The following WNT2B variants were observed in gnomAD, a reference collection of about 807,000 sequenced individuals.
WNT2B encodes protein Wnt-2b.
Under a neutral mutation model 40.5 loss-of-function variants are expected in WNT2B, and 19 were observed. The observed-to-expected ratio is 0.47, with a 90% CI of 0.33 to 0.69. The LOEUF (loss-of-function observed/expected upper bound fraction) is 0.69, where lower values mean the gene tolerates loss of function less well. Among genes scored for constraint, WNT2B ranks in the 30% least tolerant of loss-of-function variants. The pLI, the probability that WNT2B is intolerant of heterozygous loss-of-function variation, is 0.02. For missense variants in WNT2B, 467 were observed against 556.4 expected, an observed-to-expected ratio of 0.84 and a Z score of 1.62; for synonymous variants, 220 against 211.9, an observed-to-expected ratio of 1.04 and a Z score of -0.33.
At chr1:112,479,442 C>A (rs1651154023) in intron 1 of WNT2B, among the ~76,000 whole-genome samples, 1 of 148,186 alleles carries the variant, frequency 6.7e-6, no homozygotes, top group Non-Finnish European at 1.5e-5. Context: ...GTTGTGGTGG[C>A]AGGCACCTGT....
At chr1:112,470,308 G>A (rs939464957) in intron 1 of WNT2B, among the ~76,000 whole-genome samples, 1 of 152,180 alleles carries the variant, frequency 6.6e-6, no homozygotes, top group African/African-American at 2.4e-5. Flanking sequence ...GCCACTCTCA[G>A]CGGGGTGCGA....
At chr1:112,469,738 C>T (rs570894369) in intron 1 of WNT2B, among the ~76,000 whole-genome samples, 2 of 152,080 alleles carry the variant, frequency 1.3e-5, no homozygotes, top group African/African-American at 2.4e-5. Context: ...CTCAGCTTCC[C>T]GAGTAGCTGG....
intron 1 of WNT2B, among the ~76,000 whole-genome samples, chr1:112,469,312 T>C (rs1650800001): frequency 6.6e-6 from 1 of 152,238 alleles, no homozygotes; most frequent in African/African-American, 2.4e-5. Context: ...ACATTGGCTA[T>C]TCTGGCTCTT....
In WNT2B at chr1:112,509,392, C is replaced by T; in HGVS notation, c.130C>T (p.Leu44Phe). ...TTCGGCCCGCCTAGGTCTTGCCTGC[C>T]TTCTGCTCCTGCTGCTGCTGACGCT... is the stretch of plus-strand genomic sequence containing the variant. ...RASARLGLACLLLLLLLTLPA... is the reference protein window; with the variant it reads ...RASARLGLACFLLLLLLTLPA... Residue 44 changes from leucine to phenylalanine, a missense_variant, in exon 1 of 5, where the codon CTT becomes TTT. By Grantham distance (22) the Leu-to-Phe change is conservative. Coordinates refer to ENST00000369684, the MANE Select transcript of WNT2B (RefSeq NM_024494.3). The surrounding 1 kb of genome is among the most constrained non-coding windows in gnomAD (Gnocchi z 4.2). The T allele has an allele frequency of 1.3e-6, 2 of 1,596,622 alleles. No homozygotes were observed. The highest frequency in any genetic ancestry group is 1.7e-6 in the Non-Finnish European group (2 of 1,177,256).
At chr1:112,474,294 A>G (rs1372363556) in intron 1 of WNT2B, among the ~76,000 whole-genome samples, 1 of 146,954 alleles carries the variant, frequency 6.8e-6, no homozygotes, top group Admixed American at 6.9e-5. Context: ...TACAGGTGTG[A>G]GCCACCACAT....
chr1:112,500,943 T>G (rs1483721047), intron 1 of WNT2B, among the ~76,000 whole-genome samples: 2 of 152,198 alleles, frequency 1.3e-5, no homozygotes, highest in Non-Finnish European at 2.9e-5. Context: ...AATATATTAT[T>G]ATTAATTAAA....
At chr1:112,520,161 C>A (rs1488501264) in intron 4 of WNT2B, 119 bp from the exon 5 acceptor site, 3 of 940,580 alleles carry the variant, frequency 3.2e-6, no homozygotes, top group East Asian at 5.3e-5. Context: ...CATGAGTGAG[C>A]CACTGTGCCC....
At chr1:112,469,602 G>A (rs1188071181) in intron 1 of WNT2B, among the ~76,000 whole-genome samples, 1 of 151,250 alleles carries the variant, frequency 6.6e-6, no homozygotes, top group Non-Finnish European at 1.5e-5. Flanking sequence ...TTGTTTTTTA[G>A]CTATTGTAAA....
intron 3 of WNT2B, among the ~76,000 whole-genome samples, chr1:112,516,866 T>C (rs1209063638): frequency 6.6e-6 from 1 of 152,202 alleles, no homozygotes; most frequent in Non-Finnish European, 1.5e-5. Context: ...AACAGAATCC[T>C]GTGGCTCTAC....
Position 112,517,156 on chromosome 1 carries a change from C to T in WNT2B, c.717C>T (p.Cys239=). The T allele has an allele frequency of 6.2e-7, 1 of 1,613,676 alleles. No homozygotes were observed. The highest frequency in any genetic ancestry group is 8.5e-7 in the Non-Finnish European group (1 of 1,179,618). The stretch of plus-strand genomic sequence containing the variant: ...GGTTTCTGAAGCTGGAGTGTAAGTG[C>T]CATGGCGTGAGTGGTTCCTGTACTC... ...VRRFLKLECK[C]HGVSGSCTLR... The change falls in exon 4 of 5, where the codon TGC becomes TGT. Residue 239 remains cysteine, a synonymous_variant. Coordinates refer to ENST00000369684, the MANE Select transcript of WNT2B (RefSeq NM_024494.3).
intron 1 of WNT2B, among the ~76,000 whole-genome samples, chr1:112,481,040 G>A (rs980911671): frequency 1.3e-5 from 2 of 152,030 alleles, no homozygotes; most frequent in African/African-American, 4.8e-5. Flanking sequence ...ATGTTGGCAG[G>A]TGCCTGTAAT....
In WNT2B at chr1:112,515,300, C is replaced by T. The variant is rs776383867; in HGVS notation, c.403+206C>T. On this transcript the variant is annotated intron_variant, in intron 2 of 4. Coordinates refer to ENST00000369684, the MANE Select transcript of WNT2B (RefSeq NM_024494.3). The surrounding 1 kb of genome is among the most constrained non-coding windows in gnomAD (Gnocchi z 4.4). The stretch of plus-strand genomic sequence containing the variant: ...ACAGGGGCTCCTCTAAATCTTAGTG[C>T]TCTGGGACAAGACCAAGGTAAAGCA... Among the ~76,000 whole-genome samples, 3 of 152,178 alleles carry T rather than the reference C, an allele frequency of 2.0e-5. No homozygotes were observed. The highest frequency in any genetic ancestry group is 4.8e-5 in the African/African-American group (2 of 41,440).
chr1:112,526,355 A>G lies in WNT2B; in HGVS notation c.*5846A>G, dbSNP rs1653389407. The G allele has an allele frequency of 4.8e-6, 2 of 417,868 alleles. No individual in the cohort carries two copies. The highest frequency in any genetic ancestry group is 8.5e-6 in the Non-Finnish European group (2 of 234,222). 25.9% of individuals were successfully genotyped at this position (417,868 alleles called of 1,614,324 possible). On this transcript the variant is annotated 3_prime_UTR_variant, in exon 5 of 5. Transcript: ENST00000369684. ...CTCCTTTTTTCCCCTTCAGATTAAC[A>G]TTAAAAATTTTATCTAGTCCTTTTG...
intron 1 of WNT2B, 119 bp from the exon 2 acceptor site, chr1:112,514,755 G>C: frequency 2.2e-6 from 2 of 894,544 alleles, no homozygotes; most frequent in East Asian, 2.5e-5. Flanking sequence ...TGGAATGTGG[G>C]TTAGGGAGAG....
chr1:112,496,006 G>T (rs753956238), intron 1 of WNT2B, among the ~76,000 whole-genome samples: 1 of 152,200 alleles, frequency 6.6e-6, no homozygotes, highest in Non-Finnish European at 1.5e-5. Flanking sequence ...CATTCAGGAG[G>T]GCTCCACCCT....
upstream of WNT2B, among the ~76,000 whole-genome samples, chr1:112,504,068 C>G (rs1353083689): frequency 6.7e-6 from 1 of 150,044 alleles, no homozygotes; most frequent in Admixed American, 6.7e-5. Context: ...CTGTGTGATA[C>G]AGGCAGACTG....
In WNT2B at chr1:112,515,930, G is replaced by T. The variant is rs1453903216; in HGVS notation, c.404-210G>T. Among the ~76,000 whole-genome samples the T allele has an allele frequency of 6.6e-6, 1 of 152,198 alleles. No homozygotes were observed. The highest frequency in any genetic ancestry group is 2.4e-5 in the African/African-American group (1 of 41,436). Reference sequence around the variant, plus strand: ...AAAAGGTCAGATATACAAAGAAGTGGATAGAGAGTAGTGAGGGCTGAGGGG... The same window carrying T: ...AAAAGGTCAGATATACAAAGAAGTGTATAGAGAGTAGTGAGGGCTGAGGGG... On this transcript the variant is annotated intron_variant, in intron 2 of 4. Transcript: ENST00000369684. This position sits in a 1 kb window ranked among gnomAD's most constrained non-coding sequence, Gnocchi z 4.4.
In WNT2B at chr1:112,514,972, G is replaced by A. The variant is rs767077005; in HGVS notation, c.281G>A (p.Arg94His). ...TGCCAGCGTTACCCAGACATCATGC[G>A]TTCAGTGGGCGAGGGTGCCCGAGAA... Reference protein sequence around the residue: ...QLCQRYPDIMRSVGEGAREWI... With the variant: ...QLCQRYPDIMHSVGEGAREWI... Residue 94 changes from arginine to histidine, a missense_variant, in exon 2 of 5, where the codon CGT becomes CAT. Around this residue, in one of 2 missense-constraint regions of WNT2B, gnomAD observed 330 missense variants for 438.6 expected, o/e 0.75. Transcript: ENST00000369684. 7 of 1,614,188 alleles carry A rather than the reference G, an allele frequency of 4.3e-6. No individual in the cohort carries two copies. Among genetic ancestry groups the A allele is most frequent in the Non-Finnish European group, 5.9e-6 (7 of 1,180,032 alleles).
In WNT2B at chr1:112,480,998, G is replaced by A. The variant is rs532069425; in HGVS notation, c.-95+13407G>A. ...AGCCTGACCAACATGGAGAAACCCC[G>A]TCTCTACTAAAAATACAAAAATTAG... On this transcript the variant is annotated intron_variant, in intron 1 of 4. Transcript: ENST00000256640. 1.6e-4 allele frequency among the ~76,000 whole-genome samples: 25 copies of A among 152,106 alleles called. 1 individual carries two copies. The South Asian group carries it at 4.6e-3, about 28-fold the overall frequency.
Sources: allele counts gnomAD v4.1 joint callset (sites outside exome capture counted in the v4.1 genomes callset), GRCh38; gene constraint gnomAD v4.1.1; regional missense constraint gnomAD v4.1.1; non-coding constraint Gnocchi (gnomAD v3.1); transcripts MANE v1.5; gene names NCBI Gene and HGNC (gene_info 2026-07-23, HGNC 2026-07-21).